Variants in SLC39A14 observed in about 807,000 individuals in gnomAD.
SLC39A14 encodes metal cation symporter ZIP14.
SLC39A14 carries 19 observed loss-of-function variants against 45.5 expected under a neutral mutation model. The observed-to-expected ratio is 0.42, with a 90% CI of 0.29 to 0.61. SLC39A14 has a LOEUF of 0.61. SLC39A14 is among the 20% of genes least tolerant of loss of function. The pLI is 0.22. For synonymous variants in SLC39A14, 264 were observed against 251.3 expected, an observed-to-expected ratio of 1.05 and a Z score of -0.48; for missense variants, 447 against 616.5, an observed-to-expected ratio of 0.73 and a Z score of 2.91.
intron 3 of SLC39A14, among the ~76,000 whole-genome samples, chr8:22,409,018 A>G (rs971899563): frequency 2.0e-5 from 3 of 152,082 alleles, no homozygotes; most frequent in Non-Finnish European, 2.9e-5. Context: ...ACACGGTCTC[A>G]CTATGTTACC....
chr8:22,400,836 C>T (rs1834813098), intron 1 of SLC39A14, among the ~76,000 whole-genome samples: 2 of 152,336 alleles, frequency 1.3e-5, no homozygotes, highest in South Asian at 4.1e-4. Flanking sequence ...ATATGCCTGA[C>T]AGTTTCATTA....
Position 22,414,787 on chromosome 8 carries a change from G to T in SLC39A14, c.635G>T (p.Gly212Val). The change falls in exon 5 of 9, where the codon GGT (glycine) becomes GTT (valine). Residue 212 changes from glycine (G) to valine (V), a missense_variant. Gly to Val is a moderately radical substitution (Grantham distance 109). This residue lies in a region of SLC39A14 where 342 missense variants were observed against 428.1 expected (regional missense o/e 0.80). Coordinates refer to ENST00000381237, the MANE Select transcript of SLC39A14 (RefSeq NM_001128431.4). ...CTTTTCCTGGGTCCACAGGCATTTGGTTTCAACCCTCTGGAAGATTATTAT... is the reference window on the plus strand; with the variant it reads ...CTTTTCCTGGGTCCACAGGCATTTGTTTTCAACCCTCTGGAAGATTATTAT... The part of the protein sequence containing the change: ...ALFQLIPEAF[G>V]FNPLEDYYVS... 6.2e-7 allele frequency: 1 copy of T among 1,606,796 alleles called. No individual in the cohort carries two copies. The highest frequency in any genetic ancestry group is 1.1e-5 in the South Asian group (1 of 89,172).
chr8:22,410,127 C>T, intron 3 of SLC39A14: 1 of 1,613,994 alleles, frequency 6.2e-7, no homozygotes, highest in South Asian at 1.1e-5. Context: ...TGCAGTAGAA[C>T]AGAAACTTGC....
intron 1 of SLC39A14, among the ~76,000 whole-genome samples, chr8:22,394,313 A>T (rs560091857): frequency 1.5e-3 from 216 of 144,332 alleles, no homozygotes; most frequent in Non-Finnish European, 2.3e-3. Flanking sequence ...CCCTGTAATG[A>T]TTTTTTATTA....
rs1187874505 is a variant in SLC39A14 at position 22,367,881 on chromosome 8, G to A, written c.-16+473G>A. 1.3e-5 allele frequency: 2 copies of A among 152,502 alleles called. No individual in the cohort carries two copies. Among genetic ancestry groups the A allele is most frequent in the African/African-American group, 4.8e-5 (2 of 41,470 alleles). 9.4% of individuals were successfully genotyped at this position (152,502 alleles called of 1,614,324 possible). A position where few individuals can be genotyped will look rare whatever the true frequency, so the allele number is the denominator to read the frequency against. On this transcript the variant is annotated intron_variant, in intron 1 of 8. Transcript: ENST00000381237. This position sits in a 1 kb window ranked among gnomAD's most constrained non-coding sequence, Gnocchi z 4.2. ...TACATGTACCCAATCTTCCGGCTGA[G>A]CGAATCTCCAACCTGGCTTGCCCAC...
chr8:22,419,651 A>G lies in SLC39A14; in HGVS notation c.1432A>G (p.Ile478Val). The G allele has an allele frequency of 1.9e-6, 3 of 1,613,982 alleles. No individual in the cohort carries two copies. The highest frequency in any genetic ancestry group is 2.5e-6 in the Non-Finnish European group (3 of 1,179,888). Residue 478 changes from isoleucine to valine, a missense_variant, in exon 9 of 9, where the codon ATC becomes GTC. By Grantham distance (29) the Ile-to-Val change is conservative. Transcript: ENST00000381237. ...QNLGLLTGFTIMVVLTMYSGQ... is the reference protein window; with the variant it reads ...QNLGLLTGFTVMVVLTMYSGQ... ...CCTGGGCCTCCTGACTGGATTCACCATCATGGTGGTCCTCACCATGTATTC... is the reference window on the plus strand; with the variant it reads ...CCTGGGCCTCCTGACTGGATTCACCGTCATGGTGGTCCTCACCATGTATTC...
At chr8:22,382,021 A>G (rs1833541266) in intron 1 of SLC39A14, among the ~76,000 whole-genome samples, 1 of 152,026 alleles carries the variant, frequency 6.6e-6, no homozygotes, top group East Asian at 1.9e-4. Context: ...CGGGTCTGTA[A>G]TCCCAGCTAC....
intron 1 of SLC39A14, among the ~76,000 whole-genome samples, chr8:22,392,313 C>T (rs1563520409): frequency 6.6e-6 from 1 of 152,108 alleles, no homozygotes; most frequent in Non-Finnish European, 1.5e-5. Flanking sequence ...TCTGCGAGCT[C>T]GGTGCTTTCA....
chr8:22,411,344 G>A (rs1267320637), intron 3 of SLC39A14, among the ~76,000 whole-genome samples: 1 of 152,200 alleles, frequency 6.6e-6, no homozygotes. Context: ...CTGGAACTCT[G>A]TTCTTTGTGC....
chr8:22,379,890 C>G (rs1833408556), intron 1 of SLC39A14, among the ~76,000 whole-genome samples: 1 of 142,276 alleles, frequency 7.0e-6, no homozygotes, highest in South Asian at 2.3e-4. Context: ...GGTTGTGCCA[C>G]TGCACTCCAG....
intron 1 of SLC39A14, among the ~76,000 whole-genome samples, chr8:22,380,198 G>T (rs978963607): frequency 3.3e-5 from 5 of 152,182 alleles, no homozygotes; most frequent in African/African-American, 7.2e-5. Flanking sequence ...CCAATCCCCT[G>T]CTGATGCCAA....
exon 9 of SLC39A14, chr8:22,433,955 T>C (rs1264932496): frequency 2.3e-6 from 1 of 438,824 alleles, no homozygotes; most frequent in Non-Finnish European, 4.6e-6. Context: ...CTGCAACCTC[T>C]GCCGCTTGGG....
At chr8:22,423,434 C>G (rs558441723), downstream of SLC39A14, among the ~76,000 whole-genome samples, 7 of 151,650 alleles carry the variant, frequency 4.6e-5, no homozygotes, top group African/African-American at 1.7e-4. Context: ...TTCCCGGGTT[C>G]ACGCCATTCT....
intron 8 of SLC39A14, among the ~76,000 whole-genome samples, chr8:22,430,297 G>A (rs1229961172): frequency 6.6e-6 from 1 of 152,098 alleles, no homozygotes; most frequent in African/African-American, 2.4e-5. Context: ...CCAAGTCCTG[G>A]GCTCAAGTAA....
Position 22,419,691 on chromosome 8 carries a change from T to C in SLC39A14, c.1472T>C (p.Ile491Thr). 1 of 1,607,116 alleles carries C rather than the reference T, an allele frequency of 6.2e-7. No homozygotes were observed. Among genetic ancestry groups the C allele is most frequent in the Non-Finnish European group, 8.5e-7 (1 of 1,176,864 alleles). ...VLTMYSGQIQ[I>T]G is the part of the protein sequence containing the mutation. ...ACCATGTATTCAGGACAGATCCAGA[T>C]TGGGTAGGGCTCTGCCAAGAGCCTG... is the stretch of plus-strand genomic sequence containing the variant. Residue 491 changes from isoleucine to threonine, a missense_variant, in exon 9 of 9, where the codon ATT (isoleucine) becomes ACT (threonine). Physicochemically the swap from Ile to Thr is moderately conservative, Grantham distance 89. Around this residue, in one of 2 missense-constraint regions of SLC39A14, gnomAD observed 105 missense variants for 188.4 expected, o/e 0.56. Transcript: ENST00000381237.
chr8:22,374,848 C>A (rs200074417), intron 1 of SLC39A14, among the ~76,000 whole-genome samples: 3 of 149,756 alleles, frequency 2.0e-5, no homozygotes, highest in African/African-American at 7.5e-5. Flanking sequence ...TGAGCTCAAG[C>A]GATTCTCCCA....
intron 3 of SLC39A14, among the ~76,000 whole-genome samples, chr8:22,409,412 C>T (rs1356306851): frequency 2.6e-5 from 4 of 151,232 alleles, no homozygotes; most frequent in Admixed American, 1.3e-4. Context: ...GACAGACTTT[C>T]GCTCTTGTTG....
intron 7 of SLC39A14, 145 bp downstream of exon 7, chr8:22,416,425 C>A: frequency 1.4e-6 from 1 of 700,860 alleles, no homozygotes; most frequent in Admixed American, 2.7e-5. Context: ...TTCATGGACC[C>A]TAATCACCTT....
At chr8:22,390,232 G>A (rs910835784) in intron 1 of SLC39A14, 1 of 153,382 alleles carries the variant, frequency 6.5e-6, no homozygotes, top group Non-Finnish European at 1.5e-5. Flanking sequence ...AATGTCTACA[G>A]TATCACCTTA....
Sources: gnomAD v4.1 joint callset for allele counts (sites outside exome capture counted in the v4.1 genomes callset) on GRCh38, gnomAD v4.1.1 for gene constraint, gnomAD v4.1.1 regional missense constraint, Gnocchi (gnomAD v3.1) non-coding constraint, MANE v1.5 for transcripts, NCBI Gene and HGNC (gene_info 2026-07-23, HGNC 2026-07-21) for gene names.